TXNDC11: variants seen among roughly 807,000 people sequenced by gnomAD.
The protein encoded by TXNDC11 is thioredoxin domain containing 11, also known as thioredoxin domain-containing protein 11.
In TXNDC11, 68 loss-of-function variants were observed where a neutral mutation model predicts 78.0. That is an observed-to-expected ratio of 0.87 (90% CI 0.72 to 1.07). TXNDC11 has a LOEUF of 1.07. Among genes scored for constraint, TXNDC11 ranks in the 50% least tolerant of loss-of-function variants. The pLI is 0.00. For missense variants in TXNDC11, 1,389 were observed against 1,221.8 expected (o/e 1.14, Z -2.04); for synonymous variants, 571 against 495.2 (o/e 1.15, Z -2.03).
intron 11 of TXNDC11, among the ~76,000 whole-genome samples, chr16:11,683,382 T>C (rs767981076): frequency 6.6e-6 from 1 of 152,110 alleles, no homozygotes; most frequent in Non-Finnish European, 1.5e-5. Context: ...GTAGGCCTCC[T>C]GGAATCCGAG....
chr16:11,717,282 C>T (rs923254888), intron 5 of TXNDC11, among the ~76,000 whole-genome samples: 6 of 151,084 alleles, frequency 4.0e-5, no homozygotes, highest in African/African-American at 7.3e-5. Context: ...AAAAATTAGG[C>T]GGGCGTGGTA....
chr16:11,739,181 A>G (rs904739010), intron 1 of TXNDC11, among the ~76,000 whole-genome samples: 5 of 152,350 alleles, frequency 3.3e-5, no homozygotes, highest in Admixed American at 3.3e-4. Context: ...TACAAGGCCA[A>G]TCAAAAATCA....
At chr16:11,717,597 G>T (rs781163116) in intron 5 of TXNDC11, among the ~76,000 whole-genome samples, 1 of 151,792 alleles carries the variant, frequency 6.6e-6, no homozygotes, top group Admixed American at 6.6e-5. Context: ...CGAAGCGGGC[G>T]GATCATGAGG....
intron 9 of TXNDC11, 59 bp downstream of exon 9, chr16:11,688,244 T>C (rs1408483791): frequency 7.6e-6 from 12 of 1,580,510 alleles, no homozygotes; most frequent in Non-Finnish European, 9.5e-6. Context: ...ACAACTGTAG[T>C]TTGGAAATTA....
chr16:11,698,374 G>A, intron 6 of TXNDC11, 49 bp from the exon 7 acceptor site: 1 of 1,549,708 alleles, frequency 6.5e-7, no homozygotes, highest in South Asian at 1.1e-5. Flanking sequence ...GTGAGGTGGG[G>A]CAAGCTCAAG....
At chr16:11,710,328 C>G (rs548294995) in intron 5 of TXNDC11, among the ~76,000 whole-genome samples, 1 of 93,058 alleles carries the variant, frequency 1.1e-5, no homozygotes, top group African/African-American at 5.1e-5. Flanking sequence ...TAGATGAGGT[C>G]TCTGTCACGT....
In TXNDC11 at chr16:11,688,484, A is replaced by T. The variant is rs780065708; in HGVS notation, c.1901-39T>A. On this transcript the variant is annotated intron_variant, in intron 8 of 11. Coordinates refer to ENST00000283033, the MANE Select transcript of TXNDC11 (RefSeq NM_015914.7). ...GAAAATGAGATCAACTCTCCTCTAG[A>T]TACAAAGAGAATAGCTGGCCTACTT... 3.6e-5 allele frequency: 55 copies of T among 1,515,988 alleles called. 1 individual carries two copies. In the South Asian group the frequency reaches 6.5e-4, roughly 18 times the overall value. 93.9% of individuals were successfully genotyped at this position (1,515,988 alleles called of 1,614,324 possible). A position where few individuals can be genotyped will look rare whatever the true frequency, so the allele number is the denominator to read the frequency against.
intron 1 of TXNDC11, 135 bp downstream of exon 1, chr16:11,742,342 G>C (rs935847005): frequency 5.4e-5 from 35 of 652,328 alleles, no homozygotes; most frequent in Middle Eastern, 4.7e-4. Context: ...CGCAGGTTCC[G>C]GGAGGGGTCA....
intron 4 of TXNDC11, among the ~76,000 whole-genome samples, chr16:11,728,592 C>A (rs866194107): frequency 7.2e-5 from 11 of 152,274 alleles, no homozygotes; most frequent in Admixed American, 3.3e-4. Flanking sequence ...GCAGTAATGT[C>A]GTCAGTAGAT....
chr16:11,706,444 C>T (rs2051181634), intron 5 of TXNDC11, among the ~76,000 whole-genome samples: 1 of 152,228 alleles, frequency 6.6e-6, no homozygotes. Context: ...CCCATCACAG[C>T]ACATCTCCCA....
At chr16:11,735,981 C>CA (rs765812622) in intron 2 of TXNDC11, 36 bp downstream of exon 2, 1 of 1,600,350 alleles carries the variant, frequency 6.2e-7, no homozygotes, top group Admixed American at 1.7e-5. Context: ...ATAGGACTGA[C>CA]AGTCATTTGA....
intron 9 of TXNDC11, 115 bp downstream of exon 9, chr16:11,688,188 A>T (rs2050616002): frequency 1.7e-6 from 2 of 1,174,984 alleles, no homozygotes; most frequent in African/African-American, 1.5e-5. Flanking sequence ...TAATTGGGCC[A>T]TCACGTGGTT....
chr16:11,715,000 C>G (rs915166834), intron 5 of TXNDC11, among the ~76,000 whole-genome samples: 3 of 152,114 alleles, frequency 2.0e-5, no homozygotes, highest in African/African-American at 7.2e-5. Context: ...CCTGTAATCC[C>G]AGCACTTTGG....
At chr16:11,725,713 C>A (rs12926451) in intron 4 of TXNDC11, among the ~76,000 whole-genome samples, 89,321 of 152,110 alleles carry the variant, frequency 0.59, 26,804 homozygotes, top group Middle Eastern at 0.67. Context: ...AGCACTTCAC[C>A]ATGCATAGTT....
intron 1 of TXNDC11, among the ~76,000 whole-genome samples, chr16:11,740,900 T>C (rs143106803): frequency 2.4e-4 from 36 of 152,334 alleles, no homozygotes; most frequent in African/African-American, 8.2e-4. Flanking sequence ...AAATGCTTCA[T>C]GGAAACAGTG....
At chr16:11,700,606 C>G in intron 5 of TXNDC11, 42 bp from the exon 6 acceptor site, 1 of 986,450 alleles carries the variant, frequency 1.0e-6, no homozygotes, top group Non-Finnish European at 1.6e-6. Context: ...AAGGCCTGTG[C>G]CTTAAAACAA....
At chr16:11,716,984 G>A (rs1293191036) in intron 5 of TXNDC11, among the ~76,000 whole-genome samples, 1 of 151,904 alleles carries the variant, frequency 6.6e-6, no homozygotes, top group Non-Finnish European at 1.5e-5. Flanking sequence ...TTATAAATGA[G>A]AGAGGGAAAA....
In TXNDC11 at chr16:11,736,191, G is replaced by T; in HGVS notation, c.297C>A (p.Ser99Arg). The T allele has an allele frequency of 6.2e-7, 1 of 1,613,872 alleles. No homozygotes were observed. The highest frequency in any genetic ancestry group is 8.5e-7 in the Non-Finnish European group (1 of 1,179,880). The change falls in exon 2 of 12, where the codon AGC becomes AGA. Residue 99 changes from serine to arginine, a missense_variant. Transcript: ENST00000283033. ...DVIIPAKPPV[S>R]FFSLRSPVLD... ...GGACTGGAGACCTCAAGGAGAAAAA[G>T]CTGACAGGTGGCTTTGCTGGTATTA...
intron 5 of TXNDC11, among the ~76,000 whole-genome samples, chr16:11,709,074 T>C (rs1008226867): frequency 2.0e-5 from 3 of 152,336 alleles, no homozygotes; most frequent in South Asian, 4.1e-4. Flanking sequence ...TTTCAATGTA[T>C]AAACTATCAT....
Sources: allele counts gnomAD v4.1 joint callset (sites outside exome capture counted in the v4.1 genomes callset), GRCh38; gene constraint gnomAD v4.1.1; transcripts MANE v1.5; gene names NCBI Gene and HGNC (gene_info 2026-07-23, HGNC 2026-07-21).